ZNF287: variants seen among roughly 807,000 people sequenced by gnomAD.
The protein encoded by ZNF287 is zinc finger protein 287.
In ZNF287, 31 loss-of-function variants were observed where a neutral mutation model predicts 73.7. The observed-to-expected ratio is 0.42, with a 90% CI of 0.32 to 0.57. ZNF287 has a LOEUF of 0.57. Ranked by LOEUF, ZNF287 falls within the 20% of genes least tolerant of loss-of-function variation. ZNF287 has a pLI of 0.13. For synonymous variants in ZNF287, 301 were observed against 307.2 expected (o/e 0.98, Z 0.21); for missense variants, 641 against 909.3 (o/e 0.70, Z 3.79).
intron 3 of ZNF287, among the ~76,000 whole-genome samples, chr17:16,565,466 T>C (rs1480874973): frequency 1.3e-5 from 2 of 151,690 alleles, no homozygotes; most frequent in African/African-American, 4.8e-5. Context: ...ATGTAAGTGA[T>C]TGATTTTTGC....
chr17:16,561,842 T>C (rs1312857541), intron 5 of ZNF287, among the ~76,000 whole-genome samples: 1 of 152,230 alleles, frequency 6.6e-6, no homozygotes, highest in Non-Finnish European at 1.5e-5. Flanking sequence ...GAAAAATATC[T>C]ATAAAGGATG....
chr17:16,563,161 C>T lies in ZNF287; in HGVS notation c.700G>A (p.Glu234Lys). 1 of 1,613,392 alleles carries T rather than the reference C, an allele frequency of 6.2e-7. No individual in the cohort carries two copies. Among genetic ancestry groups the T allele is most frequent in the Non-Finnish European group, 8.5e-7 (1 of 1,179,524 alleles). ...TGTTTCTCACCTGGACTAGGGCCTTCTAAAATTTCTTTTATCACCATCCAT... is the reference window on the plus strand; with the variant it reads ...TGTTTCTCACCTGGACTAGGGCCTTTTAAAATTTCTTTTATCACCATCCAT... ...EPWMVIKEILEGPSPEWETKA... is the reference protein window; with the variant it reads ...EPWMVIKEILKGPSPEWETKA... The change falls in exon 5 of 6, where the codon GAA becomes AAA. Residue 234 changes from glutamate (E) to lysine (K), a missense_variant. Physicochemically the swap from Glu to Lys is moderately conservative, Grantham distance 56 (BLOSUM62 1). This residue lies in a region of ZNF287 where 357 missense variants were observed against 442.4 expected (regional missense o/e 0.81). Coordinates refer to ENST00000395825, the MANE Select transcript of ZNF287 (RefSeq NM_020653.4).
intron 3 of ZNF287, 79 bp downstream of exon 3, chr17:16,566,446 G>C: frequency 8.5e-7 from 1 of 1,172,320 alleles, no homozygotes; most frequent in Non-Finnish European, 1.2e-6. Flanking sequence ...TGGGGGCACA[G>C]TAGTTATAGG....
intron 5 of ZNF287, among the ~76,000 whole-genome samples, chr17:16,560,245 A>T (rs1159806420): frequency 1.3e-5 from 2 of 151,178 alleles, no homozygotes; most frequent in Non-Finnish European, 2.9e-5. Context: ...TACAGGAGTA[A>T]GCCACCATGC....
chr17:16,547,658 A>G lies in ZNF287; in HGVS notation c.*4198T>C, dbSNP rs1053658091. ...CACTCCGGGAGCAGTGAGAATCCCT[A>G]GTGCCCAGATCTTGGTTTCTAAATA... On this transcript the variant is annotated 3_prime_UTR_variant, in exon 6 of 6. Coordinates refer to ENST00000395825, the MANE Select transcript of ZNF287 (RefSeq NM_020653.4). Among the ~76,000 whole-genome samples, 4 of 152,210 alleles carry G rather than the reference A, an allele frequency of 2.6e-5. No homozygotes were observed. The highest frequency in any genetic ancestry group is 6.6e-5 in the Admixed American group (1 of 15,264).
rs1232524455 is a variant in ZNF287, at chr17:16,547,022, A to C, written c.*4834T>G. 1.3e-5 allele frequency among the ~76,000 whole-genome samples: 2 copies of C among 152,232 alleles called. No individual in the cohort carries two copies. The highest frequency in any genetic ancestry group is 3.8e-4 in the East Asian group (2 of 5,202). On this transcript the variant is annotated 3_prime_UTR_variant, in exon 6 of 6. Transcript: ENST00000395825. ...AGGGGCTAATAATTATGAAAGATAG[A>C]GCCATGGGGAGAACAGAAACAGAGG...
rs755323329 is a variant in ZNF287 at position 16,553,267 on chromosome 17, C to G, written c.875G>C (p.Arg292Thr). 1 of 1,613,706 alleles carries G rather than the reference C, an allele frequency of 6.2e-7. No homozygotes were observed. The highest frequency in any genetic ancestry group is 1.3e-5 in the African/African-American group (1 of 74,914). Reference sequence around the variant, plus strand: ...AAGGACTGACTTCAAACTGAAACCTCTTTCATCAGTGTGAATTTTCCAGAA... The same window carrying G: ...AAGGACTGACTTCAAACTGAAACCTGTTTCATCAGTGTGAATTTTCCAGAA... ...GGFWKIHTDERGFSLKSVLSQ... is the reference protein window; with the variant it reads ...GGFWKIHTDETGFSLKSVLSQ... The change falls in exon 6 of 6, where the codon AGA (arginine) becomes ACA (threonine). Residue 292 changes from arginine (R) to threonine (T), a missense_variant. By Grantham distance (71) the Arg-to-Thr change is moderately conservative. This residue lies in a region of ZNF287 where 357 missense variants were observed against 442.4 expected (regional missense o/e 0.81). Coordinates refer to ENST00000395825, the MANE Select transcript of ZNF287 (RefSeq NM_020653.4).
chr17:16,559,570 CT>C lies in ZNF287; in HGVS notation c.715+3575del, dbSNP rs1444593007. ...AGTATGAACTCCTGACTTAAAAGAACTAACACACACACACACACACACACAC... is the reference window on the plus strand; with the variant it reads ...AGTATGAACTCCTGACTTAAAAGAACAACACACACACACACACACACACAC... On this transcript the variant is annotated intron_variant, in intron 5 of 5. Transcript: ENST00000395825. Among the ~76,000 whole-genome samples, 11 of 103,692 alleles carry C rather than the reference CT, an allele frequency of 1.1e-4. No individual in the cohort carries two copies. In the South Asian group the frequency reaches 1.8e-3, roughly 17 times the overall value. The allele number at this position is 103,692 out of a possible 152,430, so 68.0% of individuals were successfully genotyped here. A position where few individuals can be genotyped will look rare whatever the true frequency, so the allele number is the denominator to read the frequency against.
chr17:16,564,450 C>A (rs773323701), intron 3 of ZNF287, among the ~76,000 whole-genome samples: 1 of 152,072 alleles, frequency 6.6e-6, no homozygotes, highest in Non-Finnish European at 1.5e-5. Flanking sequence ...CGATCCTTCA[C>A]CTCAGCTCCC....
In ZNF287 at chr17:16,554,525, T is replaced by C. The variant is rs1906913699; in HGVS notation, c.716-1099A>G. ...TCTTCTCTAGATGCCATGCTAATCC[T>C]AGACTCTAGGCCTTCTTTTACGATG... On this transcript the variant is annotated intron_variant, in intron 5 of 5. Transcript: ENST00000395825. 2.0e-5 allele frequency among the ~76,000 whole-genome samples: 3 copies of C among 152,336 alleles called. No individual in the cohort carries two copies. The South Asian group carries it at 6.2e-4, about 32-fold the overall frequency.
At chr17:16,557,066 C>T (rs1175814574) in intron 5 of ZNF287, among the ~76,000 whole-genome samples, 1 of 151,914 alleles carries the variant, frequency 6.6e-6, no homozygotes, top group Admixed American at 6.6e-5. Context: ...AGGCTGGTCT[C>T]GAACTCCTGA....
rs1251183197 is a variant in ZNF287 at position 16,547,627 on chromosome 17, C to T, written c.*4229G>A. 6.6e-6 allele frequency among the ~76,000 whole-genome samples: 1 copy of T among 152,272 alleles called. No individual in the cohort carries two copies. The highest frequency in any genetic ancestry group is 1.5e-5 in the Non-Finnish European group (1 of 68,020). On this transcript the variant is annotated 3_prime_UTR_variant, in exon 6 of 6. Transcript: ENST00000395825. ...AACTTGAATGGTTGGAAAGAATTGC[C>T]AGTGACACTCCGGGAGCAGTGAGAA... is the stretch of plus-strand genomic sequence containing the variant.
chr17:16,567,542 G>A lies in ZNF287; in HGVS notation c.190C>T (p.Arg64Ter), dbSNP rs1399381813. 1.2e-6 allele frequency: 2 copies of A among 1,614,068 alleles called. No individual in the cohort carries two copies. Among genetic ancestry groups the A allele is most frequent in the Non-Finnish European group, 1.7e-6 (2 of 1,180,038 alleles). Residue 64 changes from arginine to a stop codon, truncating the protein, a stop_gained, in exon 2 of 6, where the codon CGA becomes TGA. Coordinates refer to ENST00000395825, the MANE Select transcript of ZNF287 (RefSeq NM_020653.4). LOFTEE classifies it high-confidence loss of function. ...TCTCGGAGTTGACTCAATGCCTTTC[G>A]AGGACCAGCCAGGTCTGGGTATGGA... Reference protein sequence around the residue: ...NFPYPDLAGPRKALSQLRELC... With the variant: ...NFPYPDLAGP
intron 5 of ZNF287, among the ~76,000 whole-genome samples, chr17:16,554,223 G>A (rs115326902): frequency 0.03 from 4,132 of 137,084 alleles, 207 homozygotes; most frequent in African/African-American, 0.11. Flanking sequence ...TTTTTTTTGA[G>A]ACAGACTCTG....
chr17:16,567,095 ATG>A (rs1048745139), intron 2 of ZNF287, among the ~76,000 whole-genome samples: 54 of 152,248 alleles, frequency 3.5e-4, no homozygotes, highest in African/African-American at 1.3e-3. Flanking sequence ...GGTTTAGATA[ATG>A]TGTGTTTGCT....
chr17:16,551,776 T>C lies in ZNF287; in HGVS notation c.*80A>G. 1 of 1,469,332 alleles carries C rather than the reference T, an allele frequency of 6.8e-7. No individual in the cohort carries two copies. The highest frequency in any genetic ancestry group is 2.3e-5 in the East Asian group (1 of 43,946). 91.0% of individuals were successfully genotyped at this position (1,469,332 alleles called of 1,614,324 possible). ...ACATATTGCACTTCTTCAGACTTCT[T>C]CTGAATGTTCTGACACATAGAATGC... On this transcript the variant is annotated 3_prime_UTR_variant, in exon 6 of 6. Transcript: ENST00000395825.
chr17:16,551,970 T>C lies in ZNF287; in HGVS notation c.2172A>G (p.Arg724=), dbSNP rs1906697360. The change falls in exon 6 of 6, where the codon AGA becomes AGG. Residue 724 remains arginine (R), a synonymous_variant. Transcript: ENST00000395825. ...CATAGGGTTTCTCTCCTGTGTGAAT[T>C]CTCTGGTGTTGAATAAGGCATGTTC... ...SQRTCLIQHQ[R]IHTGEKPYAC... 2 of 1,614,124 alleles carry C rather than the reference T, an allele frequency of 1.2e-6. No individual in the cohort carries two copies. The highest frequency in any genetic ancestry group is 2.7e-5 in the African/African-American group (2 of 75,040).
At position 16,553,233 on chromosome 17, in the gene ZNF287, T is replaced by G. The variant is rs1232709881; in HGVS notation, c.909A>C (p.Glu303Asp). 1.2e-6 allele frequency: 2 copies of G among 1,611,130 alleles called. No individual in the cohort carries two copies. The highest frequency in any genetic ancestry group is 4.5e-5 in the East Asian group (2 of 44,868). The part of the protein sequence containing the change: ...GFSLKSVLSQ[E>D]YDPTEECLSK... Reference sequence around the variant, plus strand: ...TAAGACATTCTTCTGTAGGATCATATTCTTGTGAAAGGACTGACTTCAAAC... The same window carrying G: ...TAAGACATTCTTCTGTAGGATCATAGTCTTGTGAAAGGACTGACTTCAAAC... The change falls in exon 6 of 6, where the codon GAA (glutamate) becomes GAC (aspartate). Residue 303 changes from glutamate to aspartate, a missense_variant. Transcript: ENST00000395825.
Position 16,567,597 on chromosome 17 carries a change from A to C in ZNF287, c.135T>G (p.Thr45=). 2 of 1,614,216 alleles carry C rather than the reference A, an allele frequency of 1.2e-6. No individual in the cohort carries two copies. The highest frequency in any genetic ancestry group is 1.7e-6 in the Non-Finnish European group (2 of 1,180,036). Residue 45 remains threonine, a synonymous_variant, in exon 2 of 6, where the codon ACT becomes ACG. Coordinates refer to ENST00000395825, the MANE Select transcript of ZNF287 (RefSeq NM_020653.4). Reference sequence around the variant, plus strand: ...TCCTAAAATTCTGTCGACAGGTCTCAGTGTCACGCAAGAATCTTGAAGTAA... The same window carrying C: ...TCCTAAAATTCTGTCGACAGGTCTCCGTGTCACGCAAGAATCTTGAAGTAA... ...EILTSRFLRD[T]ETCRQNFRNF... is the part of the protein sequence containing the mutation.
Sources: gnomAD v4.1 joint callset for allele counts (sites outside exome capture counted in the v4.1 genomes callset) on GRCh38, gnomAD v4.1.1 for gene constraint, gnomAD v4.1.1 regional missense constraint, MANE v1.5 for transcripts, NCBI Gene and HGNC (gene_info 2026-07-23, HGNC 2026-07-21) for gene names.